Variants in NAA16 observed in about 807,000 individuals in gnomAD.
NAA16 encodes NARG1-like protein.
Under a neutral mutation model 110.3 loss-of-function variants are expected in NAA16, and 97 were observed. The observed-to-expected ratio is 0.88, with a 90% CI of 0.75 to 1.04. The LOEUF (loss-of-function observed/expected upper bound fraction) is 1.04, where lower values mean the gene tolerates loss of function less well. Ranked by LOEUF, NAA16 falls within the 50% of genes least tolerant of loss-of-function variation. The pLI, the probability that NAA16 is intolerant of heterozygous loss-of-function variation, is 0.00. For synonymous variants in NAA16, 372 were observed against 330.6 expected (o/e 1.13, Z -1.36); for missense variants, 1,017 against 1,005.1 (o/e 1.01, Z -0.16).
intron 14 of NAA16, 129 bp downstream of exon 14, chr13:41,367,781 T>C: frequency 1.6e-6 from 1 of 610,424 alleles, no homozygotes; most frequent in African/African-American, 1.9e-5. Flanking sequence ...AGATAACTCA[T>C]ATGCCAAAAA....
chr13:41,311,938 T>TC (rs1001530641), intron 1 of NAA16, among the ~76,000 whole-genome samples: 5 of 152,198 alleles, frequency 3.3e-5, no homozygotes, highest in African/African-American at 1.2e-4. Context: ...TCAGGGATCC[T>TC]CCCCCGGTGG....
At chr13:41,325,576 A>G in intron 5 of NAA16, 122 bp from the exon 6 acceptor site, 1 of 512,412 alleles carries the variant, frequency 2.0e-6, no homozygotes, top group East Asian at 3.5e-5. Flanking sequence ...TTCTGTTTGT[A>G]TCTGCTTGTG....
At chr13:41,337,180 A>T (rs754796194) in intron 9 of NAA16, among the ~76,000 whole-genome samples, 2 of 152,246 alleles carry the variant, frequency 1.3e-5, no homozygotes, top group African/African-American at 2.4e-5. Flanking sequence ...AGGTTTAATC[A>T]GTAGGCTACA....
In NAA16 at chr13:41,311,463, C is replaced by G; in HGVS notation, c.-66C>G. On this transcript the variant is annotated 5_prime_UTR_variant, in exon 1 of 20. Coordinates refer to ENST00000379406, the MANE Select transcript of NAA16 (RefSeq NM_024561.5). ...GCAGCGGTTCGTCCCGGTGCCCACCCCCGCGAAGCGGAGCGCCCGGGCACC... is the reference window on the plus strand; with the variant it reads ...GCAGCGGTTCGTCCCGGTGCCCACCGCCGCGAAGCGGAGCGCCCGGGCACC... 3 of 1,502,132 alleles carry G rather than the reference C, an allele frequency of 2.0e-6. No individual in the cohort carries two copies. Among genetic ancestry groups the G allele is most frequent in the African/African-American group, 2.8e-5 (2 of 72,316 alleles). The allele number at this position is 1,502,132 out of a possible 1,614,324, so 93.1% of individuals were successfully genotyped here.
At chr13:41,373,592 A>G (rs2043366449) in intron 17 of NAA16, 45 bp from the exon 18 acceptor site, 3 of 1,522,344 alleles carry the variant, frequency 2.0e-6, no homozygotes, top group Non-Finnish European at 1.7e-6. Flanking sequence ...TTTTTTTCAA[A>G]GGACAGATCA....
At position 41,375,809 on chromosome 13, in the gene NAA16, T is replaced by C; in HGVS notation, c.*207T>C. On this transcript the variant is annotated 3_prime_UTR_variant, in exon 20 of 20. Transcript: ENST00000379406. ...ATTACCTGTTTATTCTTACACAGTT[T>C]TGTGGTAGCTCCGATCGCTTCTGTA... 1 of 457,138 alleles carries C rather than the reference T, an allele frequency of 2.2e-6. No individual in the cohort carries two copies. Among genetic ancestry groups the C allele is most frequent in the Non-Finnish European group, 3.8e-6 (1 of 259,828 alleles). The allele number at this position is 457,138 out of a possible 1,614,324, so 28.3% of individuals were successfully genotyped here.
Position 41,325,695 on chromosome 13 carries a change from C to A in NAA16, c.538-3C>A. 6.5e-7 allele frequency: 1 copy of A among 1,543,784 alleles called. No homozygotes were observed. Among genetic ancestry groups the A allele is most frequent in the South Asian group, 1.2e-5 (1 of 82,100 alleles). On this transcript the variant is annotated splice_polypyrimidine_tract_variant and splice_region_variant and intron_variant, in intron 5 of 19. Coordinates refer to ENST00000379406, the MANE Select transcript of NAA16 (RefSeq NM_024561.5). ...ATAAAGTAATTTGGTCATTTTTTTTCAGGTTCCTCCAAACAAAATAGATTA... is the reference window on the plus strand; with the variant it reads ...ATAAAGTAATTTGGTCATTTTTTTTAAGGTTCCTCCAAACAAAATAGATTA...
chr13:41,349,630 A>G (rs1304915430), intron 9 of NAA16, among the ~76,000 whole-genome samples: 2 of 152,032 alleles, frequency 1.3e-5, no homozygotes, highest in African/African-American at 4.8e-5. Flanking sequence ...ATTTGGTTTA[A>G]TTTTTGTTCA....
In NAA16 at chr13:41,311,565, C is replaced by T. The variant is rs540657280; in HGVS notation, c.37C>T (p.Leu13Phe). ...NVLLPPKESN[L>F]FKRILKCYEQ... ...GCTGCTGCCGCCCAAGGAGAGCAACCTCTTCAAACGCATCTTGGTGAGTGG... is the reference window on the plus strand; with the variant it reads ...GCTGCTGCCGCCCAAGGAGAGCAACTTCTTCAAACGCATCTTGGTGAGTGG... The change falls in exon 1 of 20, where the codon CTC becomes TTC. Residue 13 changes from leucine to phenylalanine, a missense_variant. Coordinates refer to ENST00000379406, the MANE Select transcript of NAA16 (RefSeq NM_024561.5). 6 of 1,608,798 alleles carry T rather than the reference C, an allele frequency of 3.7e-6. 1 individual carries two copies. In the African/African-American group the frequency reaches 6.7e-5, roughly 18 times the overall value.
Position 41,375,631 on chromosome 13 carries a change from C to T in NAA16, c.*29C>T. 6.6e-7 allele frequency: 1 copy of T among 1,518,744 alleles called. No homozygotes were observed. The highest frequency in any genetic ancestry group is 9.0e-7 in the Non-Finnish European group (1 of 1,113,818). 94.1% of individuals were successfully genotyped at this position (1,518,744 alleles called of 1,614,324 possible). ...CTTCTAGAAAGTAGACTCCTATAGA[C>T]TCAAAGCTGAATTGAGATCAGGGTT... On this transcript the variant is annotated 3_prime_UTR_variant, in exon 20 of 20. Coordinates refer to ENST00000379406, the MANE Select transcript of NAA16 (RefSeq NM_024561.5).
Position 41,362,658 on chromosome 13 carries a change from T to C in NAA16, c.1539+499T>C, listed in dbSNP as rs1336029007. 8 of 1,225,600 alleles carry C rather than the reference T, an allele frequency of 6.5e-6. No individual in the cohort carries two copies. The Admixed American group carries it at 1.2e-4, about 18-fold the overall frequency. 75.9% of individuals were successfully genotyped at this position (1,225,600 alleles called of 1,614,324 possible). ...CTTGCTTTTAGGATTATTTGTGTGATGTGCCTTAGTGAGGGGACTTTTCTT... is the reference window on the plus strand; with the variant it reads ...CTTGCTTTTAGGATTATTTGTGTGACGTGCCTTAGTGAGGGGACTTTTCTT... On this transcript the variant is annotated intron_variant, in intron 13 of 19. Transcript: ENST00000379406.
At chr13:41,313,134 A>T (rs1434484454) in intron 1 of NAA16, among the ~76,000 whole-genome samples, 1 of 152,184 alleles carries the variant, frequency 6.6e-6, no homozygotes, top group Non-Finnish European at 1.5e-5. Context: ...ATCATGGATC[A>T]GTGTCATAAG....
At chr13:41,365,094 G>A (rs2043184350) in intron 13 of NAA16, among the ~76,000 whole-genome samples, 1 of 152,178 alleles carries the variant, frequency 6.6e-6, no homozygotes, top group Non-Finnish European at 1.5e-5. Context: ...TTTCTGCAGT[G>A]AGCTAAGTGA....
At chr13:41,371,588 T>C (rs891645662) in intron 15 of NAA16, among the ~76,000 whole-genome samples, 5 of 152,170 alleles carry the variant, frequency 3.3e-5, no homozygotes, top group Admixed American at 3.3e-4. Context: ...TATGACTTTC[T>C]TAGTATTTTA....
At position 41,369,145 on chromosome 13, in the gene NAA16, GA is replaced by G; in HGVS notation, c.1814del (p.Lys605ArgfsTer4). Reference protein sequence around the residue: ...KMLSKQRRAQKKAKLEEERKH... With the variant: ...KMLSKQRRAQXKAKLEEERKH... ...TGCTTAGCAAGCAGAGAAGAGCTCA[GA>G]AAAAGGCTAAACTAGAAGAAGAAAG... is the stretch of plus-strand genomic sequence containing the variant. On this transcript the variant is annotated frameshift_variant, in exon 15 of 20. Coordinates refer to ENST00000379406, the MANE Select transcript of NAA16 (RefSeq NM_024561.5). LOFTEE classifies it high-confidence loss of function. 6.3e-7 allele frequency: 1 copy of G among 1,590,634 alleles called. No homozygotes were observed. Among genetic ancestry groups the G allele is most frequent in the South Asian group, 1.2e-5 (1 of 84,686 alleles).
intron 12 of NAA16, among the ~76,000 whole-genome samples, chr13:41,361,068 CTT>C (rs1261289823): frequency 6.6e-6 from 1 of 152,174 alleles, no homozygotes; most frequent in African/African-American, 2.4e-5. Context: ...ATAAGTGTAT[CTT>C]TGCATCCTTT....
rs928761123 is a variant in NAA16 at position 41,336,876 on chromosome 13, C to T, written c.1014+120C>T. 3.0e-5 allele frequency: 16 copies of T among 539,702 alleles called. No homozygotes were observed. In the Admixed American group the frequency reaches 5.0e-4, roughly 17 times the overall value. The allele number at this position is 539,702 out of a possible 1,614,324, so 33.4% of individuals were successfully genotyped here. A position where few individuals can be genotyped will look rare whatever the true frequency, so the allele number is the denominator to read the frequency against. ...TCTTTGTTTCAGTAATGTTACCTTA[C>T]TTTCAGTCATGTACTGAAATTACAT... is the stretch of plus-strand genomic sequence containing the variant. On this transcript the variant is annotated intron_variant, in intron 9 of 19. Coordinates refer to ENST00000379406, the MANE Select transcript of NAA16 (RefSeq NM_024561.5).
intron 15 of NAA16, among the ~76,000 whole-genome samples, chr13:41,371,608 G>A (rs1311218718): frequency 1.3e-5 from 2 of 152,012 alleles, no homozygotes; most frequent in Non-Finnish European, 2.9e-5. Flanking sequence ...ATTTTCTATA[G>A]CTTACTTTAT....
intron 13 of NAA16, among the ~76,000 whole-genome samples, chr13:41,366,178 C>T (rs1157727674): frequency 6.6e-6 from 1 of 152,104 alleles, no homozygotes; most frequent in Non-Finnish European, 1.5e-5. Flanking sequence ...GCTTTTTAGT[C>T]ATAAACTAAT....
Sources: allele counts gnomAD v4.1 joint callset (sites outside exome capture counted in the v4.1 genomes callset), GRCh38; gene constraint gnomAD v4.1.1; transcripts MANE v1.5; gene names NCBI Gene and HGNC (gene_info 2026-07-23, HGNC 2026-07-21).